The following RASA1 variants were observed in gnomAD, a reference collection of about 807,000 sequenced individuals.
RASA1 encodes the protein RAS p21 protein activator 1, also known as ras GTPase-activating protein 1.
RASA1 carries 25 observed loss-of-function variants against 132.2 expected under a neutral mutation model. The observed-to-expected ratio is 0.19, with a 90% CI of 0.14 to 0.26. The LOEUF is 0.26. RASA1 is among the 10% of genes least tolerant of loss of function. The pLI is 1.00. For missense variants in RASA1, 964 were observed against 1,299.2 expected, an observed-to-expected ratio of 0.74 and a Z score of 3.97; for synonymous variants, 477 against 449.9, an observed-to-expected ratio of 1.06 and a Z score of -0.76.
chr5:87,275,804 C>T (rs949539660), intron 1 of RASA1, among the ~76,000 whole-genome samples: 1 of 152,142 alleles, frequency 6.6e-6, no homozygotes, highest in Non-Finnish European at 1.5e-5. Context: ...CTCCTGACCT[C>T]GTGATCTGCC....
At chr5:87,280,237 AT>A (rs1037742978) in intron 1 of RASA1, among the ~76,000 whole-genome samples, 4 of 152,228 alleles carry the variant, frequency 2.6e-5, no homozygotes, top group African/African-American at 9.6e-5. Context: ...TTCACCAGCC[AT>A]CAAGGCATCC....
At position 87,390,902 on chromosome 5, in the gene RASA1, T is replaced by A; in HGVS notation, c.*19T>A. ...CAGGTAGCAGCCTTCGCCCCAGTGT[T>A]CTGCATGGATTCAGCATGTCCAACA... On this transcript the variant is annotated 3_prime_UTR_variant, in exon 25 of 25. Coordinates refer to ENST00000274376, the MANE Select transcript of RASA1 (RefSeq NM_002890.3). 6.3e-7 allele frequency: 1 copy of A among 1,586,782 alleles called. No homozygotes were observed. Among genetic ancestry groups the A allele is most frequent in the Non-Finnish European group, 8.7e-7 (1 of 1,155,262 alleles).
Position 87,267,928 on chromosome 5 carries a change from G to A in RASA1, c.-524G>A, listed in dbSNP as rs1479843230. The stretch of plus-strand genomic sequence containing the variant: ...AGTGAGCAGTTCAGTCGATTTCCTC[G>A]TTACCCCGCCCCCCTTTCTCTTGCC... On this transcript the variant is annotated 5_prime_UTR_variant, in exon 1 of 25. Coordinates refer to ENST00000274376, the MANE Select transcript of RASA1 (RefSeq NM_002890.3). The A allele has an allele frequency of 7.6e-6, 3 of 393,140 alleles. No individual in the cohort carries two copies. Among genetic ancestry groups the A allele is most frequent in the Admixed American group, 4.4e-5 (1 of 22,746 alleles). The allele number at this position is 393,140 out of a possible 1,614,324, so 24.4% of individuals were successfully genotyped here. A position where few individuals can be genotyped will look rare whatever the true frequency, so the allele number is the denominator to read the frequency against.
At chr5:87,271,878 G>A (rs771116584) in intron 1 of RASA1, among the ~76,000 whole-genome samples, 3 of 152,056 alleles carry the variant, frequency 2.0e-5, no homozygotes, top group Non-Finnish European at 2.9e-5. Flanking sequence ...ATTGGGCTGG[G>A]GGTGGTGCTT....
intron 16 of RASA1, 132 bp downstream of exon 16, chr5:87,376,697 T>C: frequency 7.8e-7 from 1 of 1,286,090 alleles, no homozygotes; most frequent in Non-Finnish European, 1.1e-6. Flanking sequence ...TTTTAAACCT[T>C]GTTTTATACT....
chr5:87,383,904 A>C (rs1008386133), intron 21 of RASA1, 124 bp downstream of exon 21: 1 of 825,340 alleles, frequency 1.2e-6, no homozygotes, highest in African/African-American at 1.8e-5. Context: ...GGCATATATG[A>C]AGTATTCCAA....
At chr5:87,310,048 A>G (rs1449959329) in intron 1 of RASA1, among the ~76,000 whole-genome samples, 1 of 152,136 alleles carries the variant, frequency 6.6e-6, no homozygotes, top group Non-Finnish European at 1.5e-5. Flanking sequence ...AAAGAGAGGT[A>G]ATATAATGTT....
At chr5:87,307,507 TCTG>T (rs1561269272) in intron 1 of RASA1, among the ~76,000 whole-genome samples, 1 of 152,166 alleles carries the variant, frequency 6.6e-6, no homozygotes, top group Admixed American at 6.5e-5. Flanking sequence ...AACTGCCTAA[TCTG>T]CTGTTAATAT....
intron 10 of RASA1, among the ~76,000 whole-genome samples, chr5:87,362,915 T>G (rs928267467): frequency 3.3e-5 from 5 of 151,674 alleles, no homozygotes; most frequent in African/African-American, 9.6e-5. Flanking sequence ...TCTTTTTTTT[T>G]TTTGAGGAAC....
chr5:87,388,995 T>C (rs1323342965), intron 23 of RASA1, among the ~76,000 whole-genome samples: 2 of 152,186 alleles, frequency 1.3e-5, no homozygotes, highest in Non-Finnish European at 2.9e-5. Context: ...AAATGGAATC[T>C]GGCTTTCATG....
At chr5:87,338,796 A>AAT (rs1226700895) in intron 5 of RASA1, among the ~76,000 whole-genome samples, 4 of 151,560 alleles carry the variant, frequency 2.6e-5, no homozygotes, top group Admixed American at 6.6e-5. Flanking sequence ...TTATCTTTCA[A>AAT]ATATATATAT....
At chr5:87,324,746 C>T (rs1365911371) in intron 1 of RASA1, among the ~76,000 whole-genome samples, 1 of 152,052 alleles carries the variant, frequency 6.6e-6, no homozygotes, top group African/African-American at 2.4e-5. Context: ...TCTCCCCTTC[C>T]TCAAGTTTAA....
intron 11 of RASA1, 59 bp from the exon 12 acceptor site, chr5:87,369,753 GT>G: frequency 9.3e-7 from 1 of 1,073,790 alleles, no homozygotes; most frequent in Non-Finnish European, 1.4e-6. Flanking sequence ...TTGGAAGCTG[GT>G]ATAAATATTT....
At chr5:87,286,841 A>G (rs551444695) in intron 1 of RASA1, among the ~76,000 whole-genome samples, 1 of 147,564 alleles carries the variant, frequency 6.8e-6, no homozygotes, top group Non-Finnish European at 1.5e-5. Context: ...TATATATACC[A>G]TATATATATA....
chr5:87,331,060 T>G (rs1757564665), intron 1 of RASA1: 3 of 1,166,580 alleles, frequency 2.6e-6, no homozygotes, highest in Non-Finnish European at 3.5e-6. Context: ...TGTTTATATT[T>G]TGAATAGCAG....
At chr5:87,319,547 A>C (rs1048762434) in intron 1 of RASA1, among the ~76,000 whole-genome samples, 3 of 152,218 alleles carry the variant, frequency 2.0e-5, no homozygotes, top group Non-Finnish European at 4.4e-5. Flanking sequence ...CCATGGCCCG[A>C]GTTGTACATT....
rs1561257708 is a variant in RASA1 at position 87,287,848 on chromosome 5, TACACACACCATATATATACCATATATAC to T, written c.539+18865_539+18892del. 3.6e-4 allele frequency among the ~76,000 whole-genome samples: 19 copies of T among 53,492 alleles called. 1 individual carries two copies. Among genetic ancestry groups the T allele is most frequent in the Admixed American group, 8.3e-4 (4 of 4,794 alleles). The allele number at this position is 53,492 out of a possible 152,430, so 35.1% of individuals were successfully genotyped here. ...ACACACACCATATATATACCATATA[TACACACACCATATATATACCATATATAC>T]ACACACCATATATATACCATATATA... On this transcript the variant is annotated intron_variant, in intron 1 of 24. Transcript: ENST00000274376.
chr5:87,343,623 A>G (rs1044716657), intron 6 of RASA1, among the ~76,000 whole-genome samples: 1 of 152,180 alleles, frequency 6.6e-6, no homozygotes, highest in African/African-American at 2.4e-5. Context: ...TGTTGGTGGG[A>G]ATGTAAATGA....
rs760944130 is a variant in RASA1 at position 87,268,519 on chromosome 5, C to G, written c.68C>G (p.Ala23Gly). The G allele has an allele frequency of 1.6e-5, 25 of 1,580,118 alleles. No individual in the cohort carries two copies. The highest frequency in any genetic ancestry group is 3.7e-5 in the Admixed American group (2 of 53,502). The change falls in exon 1 of 25, where the codon GCG becomes GGG. Residue 23 changes from alanine (A) to glycine (G), a missense_variant. Physicochemically the swap from Ala to Gly is moderately conservative, Grantham distance 60 (BLOSUM62 0). Transcript: ENST00000274376. ...ACAGCCGGAGCTGGAGGAGGCGGCG[C>G]GGCAGCGGGCTCCAGTGCCTATCCC... Reference protein sequence around the residue: ...PVTAGAGGGGAAAGSSAYPAV... With the variant: ...PVTAGAGGGGGAAGSSAYPAV...
Sources: gnomAD v4.1 joint callset for allele counts (sites outside exome capture counted in the v4.1 genomes callset) on GRCh38, gnomAD v4.1.1 for gene constraint, MANE v1.5 for transcripts, NCBI Gene and HGNC (gene_info 2026-07-23, HGNC 2026-07-21) for gene names.